The following LRBA variants were observed in gnomAD, a reference collection of about 807,000 sequenced individuals.
LRBA encodes the protein LPS responsive beige-like anchor protein, also known as lipopolysaccharide-responsive and beige-like anchor protein.
A neutral mutation model predicts 330.0 loss-of-function variants in LRBA; 176 were observed. That is an observed-to-expected ratio of 0.53 (90% CI 0.47 to 0.60). The LOEUF (loss-of-function observed/expected upper bound fraction) is 0.60. LRBA is among the 20% of genes least tolerant of loss of function. The probability of loss-of-function intolerance (pLI) is 0.00; values close to 1 mark genes in which losing one functional copy is unlikely to be tolerated. For missense variants in LRBA, 3,259 were observed against 3,444.8 expected (o/e 0.95, Z 1.35); for synonymous variants, 1,230 against 1,193.0 (o/e 1.03, Z -0.64).
intron 28 of LRBA, among the ~76,000 whole-genome samples, chr4:150,832,875 T>C (rs915303892): frequency 6.6e-6 from 1 of 152,096 alleles, no homozygotes. Flanking sequence ...GCTCAAGAGA[T>C]CTTCCTGCCT....
At chr4:150,746,687 T>C (rs778781512) in intron 35 of LRBA, among the ~76,000 whole-genome samples, 3 of 152,190 alleles carry the variant, frequency 2.0e-5, no homozygotes, top group South Asian at 4.2e-4. Flanking sequence ...ATTTTTTATA[T>C]TTTTAGTACA....
In LRBA at chr4:150,915,693, C is replaced by T; in HGVS notation, c.929G>A (p.Arg310Gln). The change falls in exon 8 of 57, where the codon CGA becomes CAA. Residue 310 changes from arginine (R) to glutamine (Q), a missense_variant. Coordinates refer to ENST00000651943, the MANE Select transcript of LRBA (RefSeq NM_001364905.1). The stretch of plus-strand genomic sequence containing the variant: ...ACATCGAAGTTCACTATTCTTCCAT[C>T]GGTTATAGATGTGTACTATGGTAAC... ...YMVTIVHIYNRWKNSELRCYV... is the reference protein window; with the variant it reads ...YMVTIVHIYNQWKNSELRCYV... 1 of 1,612,322 alleles carries T rather than the reference C, an allele frequency of 6.2e-7. No individual in the cohort carries two copies. Among genetic ancestry groups the T allele is most frequent in the South Asian group, 1.1e-5 (1 of 90,954 alleles).
intron 48 of LRBA, among the ~76,000 whole-genome samples, chr4:150,330,380 C>T (rs1208308965): frequency 6.6e-6 from 1 of 152,158 alleles, no homozygotes; most frequent in East Asian, 1.9e-4. Context: ...ACAGTATATA[C>T]TTGATTCAGA....
intron 21 of LRBA, 63 bp downstream of exon 21, chr4:150,868,119 A>C: frequency 6.7e-7 from 1 of 1,502,558 alleles, no homozygotes; most frequent in Non-Finnish European, 9.0e-7. Flanking sequence ...TTTCTTAGAT[A>C]AAATGGGCTT....
At chr4:150,342,653 G>A (rs749264454) in intron 48 of LRBA, among the ~76,000 whole-genome samples, 6 of 152,084 alleles carry the variant, frequency 3.9e-5, no homozygotes, top group Non-Finnish European at 8.8e-5. Flanking sequence ...TTTTTATAGA[G>A]AGATTATTTT....
intron 44 of LRBA, 32 bp downstream of exon 44, chr4:150,467,641 A>C (rs374984921): frequency 1.6e-6 from 2 of 1,282,306 alleles, no homozygotes; most frequent in East Asian, 4.7e-5. Context: ...TATGCAAGAC[A>C]ATTATATTTC....
chr4:150,981,895 G>A (rs530260507), intron 2 of LRBA, among the ~76,000 whole-genome samples: 6 of 151,392 alleles, frequency 4.0e-5, no homozygotes, highest in East Asian at 1.9e-4. Flanking sequence ...CCCGGGAGGC[G>A]GAGGTTGCAG....
At chr4:150,776,201 T>C (rs1230834200) in intron 34 of LRBA, among the ~76,000 whole-genome samples, 1 of 152,068 alleles carries the variant, frequency 6.6e-6, no homozygotes, top group Non-Finnish European at 1.5e-5. Flanking sequence ...CCTATAATCC[T>C]AGCCACTAGG....
intron 55 of LRBA, 67 bp downstream of exon 55, chr4:150,282,383 C>G (rs2126764098): frequency 1.4e-6 from 2 of 1,424,330 alleles, no homozygotes; most frequent in Non-Finnish European, 1.9e-6. Flanking sequence ...CGCGAACCCT[C>G]TCCCTCCCCA....
chr4:150,363,436 A>C (rs564147301), intron 47 of LRBA, among the ~76,000 whole-genome samples: 3 of 152,234 alleles, frequency 2.0e-5, no homozygotes, highest in Non-Finnish European at 4.4e-5. Flanking sequence ...TTTCATGGTA[A>C]TCTTGCTACT....
At position 150,916,731 on chromosome 4, in the gene LRBA, G is replaced by A. The variant is rs1312431582; in HGVS notation, c.653C>T (p.Ala218Val). 6.4e-7 allele frequency: 1 copy of A among 1,551,912 alleles called. No homozygotes were observed. Reference protein sequence around the residue: ...NFPGKSAAAIALPPIAKWPYQ... With the variant: ...NFPGKSAAAIVLPPIAKWPYQ... The stretch of plus-strand genomic sequence containing the variant: ...TGGCCATTTGGCTATAGGAGGTAAT[G>A]CAATAGCCTAAAGGAAAGAAACTTT... The change falls in exon 6 of 57, where the codon GCA becomes GTA. Residue 218 changes from alanine (A) to valine (V), a missense_variant. Coordinates refer to ENST00000651943, the MANE Select transcript of LRBA (RefSeq NM_001364905.1).
At chr4:150,435,339 A>C (rs940903580) in intron 46 of LRBA, among the ~76,000 whole-genome samples, 7 of 152,218 alleles carry the variant, frequency 4.6e-5, no homozygotes, top group Middle Eastern at 3.4e-3. Flanking sequence ...GGACAGAGCA[A>C]GACTCTGTCT....
At chr4:150,836,431 T>C (rs1036995503) in intron 28 of LRBA, among the ~76,000 whole-genome samples, 1 of 152,242 alleles carries the variant, frequency 6.6e-6, no homozygotes, top group African/African-American at 2.4e-5. Flanking sequence ...CATCTGGTCC[T>C]GGACTTTTTT....
chr4:150,542,582 C>T (rs1192671976), intron 40 of LRBA, among the ~76,000 whole-genome samples: 3 of 152,086 alleles, frequency 2.0e-5, no homozygotes, highest in Non-Finnish European at 2.9e-5. Context: ...GATTTTACCA[C>T]CTTTTTATTA....
chr4:150,511,282 T>G (rs957511659), intron 40 of LRBA, among the ~76,000 whole-genome samples: 1 of 152,196 alleles, frequency 6.6e-6, no homozygotes, highest in Non-Finnish European at 1.5e-5. Flanking sequence ...AACAAAAACT[T>G]AGTTATGCTA....
chr4:150,877,257 C>CAAAAAA (rs796849728), intron 17 of LRBA, among the ~76,000 whole-genome samples: 2 of 81,780 alleles, frequency 2.4e-5, no homozygotes, highest in Non-Finnish European at 2.7e-5. Flanking sequence ...GACTCCGTAT[C>CAAAAAA]AAAAAAAAAA....
chr4:150,941,186 C>T (rs1208385933), intron 2 of LRBA, among the ~76,000 whole-genome samples: 2 of 152,178 alleles, frequency 1.3e-5, no homozygotes, highest in East Asian at 3.9e-4. Context: ...GAGATGGAGT[C>T]TCACTCTGCT....
chr4:150,462,775 T>A (rs1754943783), intron 44 of LRBA, among the ~76,000 whole-genome samples: 1 of 151,910 alleles, frequency 6.6e-6, no homozygotes, highest in South Asian at 2.1e-4. Context: ...CTGTTTGTAT[T>A]CTACATTAAG....
At chr4:150,324,643 G>A (rs1732999067) in intron 49 of LRBA, among the ~76,000 whole-genome samples, 1 of 151,804 alleles carries the variant, frequency 6.6e-6, no homozygotes, top group Middle Eastern at 3.2e-3. Context: ...AGGTAGCAGG[G>A]CCTCCTCTCT....
Sources: allele counts gnomAD v4.1 joint callset (sites outside exome capture counted in the v4.1 genomes callset), GRCh38; gene constraint gnomAD v4.1.1; transcripts MANE v1.5; gene names NCBI Gene and HGNC (gene_info 2026-07-23, HGNC 2026-07-21).